DAB1: variants seen among roughly 807,000 people sequenced by gnomAD.
The protein encoded by DAB1 is DAB adaptor protein 1.
DAB1 carries 15 observed loss-of-function variants against 64.6 expected under a neutral mutation model. That is an observed-to-expected ratio of 0.23 (90% confidence interval 0.16 to 0.36). DAB1 has a LOEUF of 0.36. DAB1 is among the 10% of genes least tolerant of loss of function. The probability of loss-of-function intolerance (pLI) is 1.00; values close to 1 mark genes in which losing one functional copy is unlikely to be tolerated. For missense variants in DAB1, 596 were observed against 706.7 expected, an observed-to-expected ratio of 0.84 and a Z score of 1.78; for synonymous variants, 235 against 251.9, an observed-to-expected ratio of 0.93 and a Z score of 0.64.
In DAB1 at chr1:57,585,248, GAAAAAAAAA is replaced by G. The variant is rs61528761; in HGVS notation, n.625+64335_625+64343del. ...TGGGCGACAGGATGAGACTCTTTCT[GAAAAAAAAA>G]AAAAAAAAAAAAAAAAAAGACTTAC... On this transcript the variant is annotated intron_variant and non_coding_transcript_variant, in intron 7 of 20. Transcript: ENST00000485760. Among the ~76,000 whole-genome samples the G allele has an allele frequency of 4.1e-4, 18 of 44,286 alleles. No individual in the cohort carries two copies. In the South Asian group the frequency reaches 8.2e-3, roughly 20 times the overall value. The allele number at this position is 44,286 out of a possible 152,430, so 29.1% of individuals were successfully genotyped here.
At chr1:57,843,609 A>G (rs1268728926) in intron 1 of DAB1, among the ~76,000 whole-genome samples, 3 of 152,146 alleles carry the variant, frequency 2.0e-5, no homozygotes, top group African/African-American at 7.2e-5. Context: ...TCCCAGATTC[A>G]CCAATTTAGA....
rs566522341 is a variant in DAB1 at position 58,122,918 on chromosome 1, G to A, written n.387+27593C>T. On this transcript the variant is annotated intron_variant and non_coding_transcript_variant, in intron 5 of 20. Transcript: ENST00000485760. ...AGCTGGGTTTAGAGAATGAGTACGA[G>A]CTTCCTAGGAAGAGAAGGCAAGAGA... is the stretch of plus-strand genomic sequence containing the variant. 5.9e-5 allele frequency among the ~76,000 whole-genome samples: 9 copies of A among 152,248 alleles called. 1 individual carries two copies. Among genetic ancestry groups the A allele is most frequent in the Admixed American group, 5.9e-4 (9 of 15,298 alleles).
chr1:57,152,201 G>T (rs1018985110), intron 2 of DAB1, among the ~76,000 whole-genome samples: 7 of 152,134 alleles, frequency 4.6e-5, no homozygotes, highest in Admixed American at 2.6e-4. Flanking sequence ...CATACCTCTG[G>T]CAGGTCAGGA....
At chr1:58,143,607 G>A (rs1654404088) in intron 5 of DAB1, among the ~76,000 whole-genome samples, 1 of 152,124 alleles carries the variant, frequency 6.6e-6, no homozygotes, top group Non-Finnish European at 1.5e-5. Context: ...GCAGAGACAG[G>A]CAATAACAGC....
At chr1:58,237,982 T>C (rs1276409588) in intron 4 of DAB1, among the ~76,000 whole-genome samples, 1 of 152,266 alleles carries the variant, frequency 6.6e-6, no homozygotes, top group African/African-American at 2.4e-5. Context: ...AGAACTATTA[T>C]GTTTAACTTG....
chr1:57,488,259 C>T (rs539738621), intron 7 of DAB1, among the ~76,000 whole-genome samples: 8 of 151,950 alleles, frequency 5.3e-5, no homozygotes, highest in East Asian at 1.9e-4. Flanking sequence ...AAAAATTAGC[C>T]GGCATGGTGG....
Position 57,337,827 on chromosome 1 carries a change from C to A in DAB1, c.-136-46661G>T, listed in dbSNP as rs535060295. Among the ~76,000 whole-genome samples, 8 of 152,150 alleles carry A rather than the reference C, an allele frequency of 5.3e-5. No individual in the cohort carries two copies. In the South Asian group the frequency reaches 1.7e-3, roughly 32 times the overall value. On this transcript the variant is annotated intron_variant, in intron 1 of 14. Coordinates refer to ENST00000371236, the MANE Select transcript of DAB1 (RefSeq NM_001365792.1). ...ATTCCACTAGAAAGTTCCAGGACAC[C>A]AAGGTCTCTCCCTTTCCTTTTCCCT... is the stretch of plus-strand genomic sequence containing the variant.
rs1648469192 is a variant in DAB1, at chr1:57,749,804, A to G, written n.552-100139T>C. Among the ~76,000 whole-genome samples the G allele has an allele frequency of 2.0e-5, 3 of 152,188 alleles. No individual in the cohort carries two copies. The South Asian group carries it at 6.2e-4, about 32-fold the overall frequency. ...AAGATGAAAAAATCCAAAGCCAAGA[A>G]GTGGACTTGAGATGCTACAACCAAA... is the stretch of plus-strand genomic sequence containing the variant. On this transcript the variant is annotated intron_variant and non_coding_transcript_variant, in intron 6 of 20. Coordinates refer to the DAB1 transcript ENST00000485760.
intron 5 of DAB1, among the ~76,000 whole-genome samples, chr1:58,059,844 G>A (rs1648378396): frequency 6.6e-6 from 1 of 152,172 alleles, no homozygotes; most frequent in Non-Finnish European, 1.5e-5. Context: ...ACACAGCTAG[G>A]AAATGGCAGA....
chr1:57,183,644 G>A (rs913744457), intron 2 of DAB1, among the ~76,000 whole-genome samples: 2 of 152,110 alleles, frequency 1.3e-5, no homozygotes, highest in African/African-American at 2.4e-5. Context: ...AACTATGGTT[G>A]TTCCTAATAA....
intron 2 of DAB1, among the ~76,000 whole-genome samples, chr1:58,526,948 A>C (rs536852041): frequency 6.6e-6 from 1 of 152,238 alleles, no homozygotes; most frequent in Non-Finnish European, 1.5e-5. Context: ...ATGATCAAAA[A>C]ATTTATACAC....
chr1:58,463,868 G>A (rs981487701), intron 3 of DAB1, among the ~76,000 whole-genome samples: 7 of 152,238 alleles, frequency 4.6e-5, no homozygotes, highest in Non-Finnish European at 8.8e-5. Flanking sequence ...CAGACTGTGG[G>A]GTTGTCCACT....
chr1:58,316,009 A>G (rs542348955), intron 4 of DAB1, among the ~76,000 whole-genome samples: 43 of 152,352 alleles, frequency 2.8e-4, no homozygotes, highest in Non-Finnish European at 5.9e-4. Context: ...GGAATCAAAA[A>G]GACTGTGGTT....
chr1:58,302,372 C>T (rs1924563), intron 4 of DAB1, among the ~76,000 whole-genome samples: 20,281 of 151,820 alleles, frequency 0.13, 1,635 homozygotes, highest in South Asian at 0.26. Context: ...GAACTGGGGC[C>T]TTAAGAGAGA....
intron 4 of DAB1, among the ~76,000 whole-genome samples, chr1:58,258,017 C>G (rs1471446461): frequency 6.6e-6 from 1 of 152,166 alleles, no homozygotes; most frequent in African/African-American, 2.4e-5. Context: ...TGTACTGTTA[C>G]CGTGGTGGGG....
chr1:58,439,413 G>A (rs535437388), intron 3 of DAB1, among the ~76,000 whole-genome samples: 43 of 152,214 alleles, frequency 2.8e-4, no homozygotes, highest in Admixed American at 2.7e-3. Flanking sequence ...ACATGCTCAA[G>A]CTCTTTATTA....
chr1:57,218,152 C>A (rs375637272), intron 2 of DAB1, among the ~76,000 whole-genome samples: 1 of 152,078 alleles, frequency 6.6e-6, no homozygotes, highest in Non-Finnish European at 1.5e-5. Flanking sequence ...ATCTACCAAC[C>A]GGACGAGGTT....
chr1:58,253,756 C>A (rs1275719309), intron 4 of DAB1, among the ~76,000 whole-genome samples: 1 of 152,166 alleles, frequency 6.6e-6, no homozygotes, highest in African/African-American at 2.4e-5. Context: ...CAATCCTGAG[C>A]CTTCTGGCTC....
At chr1:57,960,180 C>A (rs1407197614) in intron 5 of DAB1, among the ~76,000 whole-genome samples, 2 of 152,148 alleles carry the variant, frequency 1.3e-5, no homozygotes, top group Non-Finnish European at 2.9e-5. Context: ...AATTAGGGCT[C>A]AGACTGGAAA....
Sources: allele counts gnomAD v4.1 joint callset (sites outside exome capture counted in the v4.1 genomes callset), GRCh38; gene constraint gnomAD v4.1.1; transcripts MANE v1.5; gene names NCBI Gene and HGNC (gene_info 2026-07-23, HGNC 2026-07-21).